Variants in SKAP1 observed in about 807,000 individuals in gnomAD.
SKAP1 encodes the protein src kinase associated phosphoprotein 1.
In SKAP1, 44 loss-of-function variants were observed where a neutral mutation model predicts 58.5. That is an observed-to-expected ratio of 0.75 (90% CI 0.59 to 0.97). The LOEUF (loss-of-function observed/expected upper bound fraction) is 0.97, where lower values mean the gene tolerates loss of function less well. Ranked by LOEUF, SKAP1 falls within the 50% of genes least tolerant of loss-of-function variation. SKAP1 has a pLI of 0.00. For missense variants in SKAP1, 390 were observed against 435.2 expected, an observed-to-expected ratio of 0.90 and a Z score of 0.92; for synonymous variants, 127 against 149.7, an observed-to-expected ratio of 0.85 and a Z score of 1.11.
intron 2 of SKAP1, among the ~76,000 whole-genome samples, chr17:48,382,032 T>G (rs1251406149): frequency 6.6e-6 from 1 of 152,314 alleles, no homozygotes; most frequent in South Asian, 2.1e-4. Flanking sequence ...CTTGAGCAAG[T>G]TGATTACCTT....
chr17:48,153,325 T>C (rs2063927386), intron 11 of SKAP1, among the ~76,000 whole-genome samples: 1 of 152,116 alleles, frequency 6.6e-6, no homozygotes, highest in Non-Finnish European at 1.5e-5. Context: ...CCCTCATTTA[T>C]AAAAATTACC....
chr17:48,225,169 A>G (rs1265147990), intron 4 of SKAP1, among the ~76,000 whole-genome samples: 2 of 152,164 alleles, frequency 1.3e-5, no homozygotes, highest in African/African-American at 4.8e-5. Context: ...CTTCTCCCTC[A>G]CTAAAACTGA....
rs202238119 is a variant in SKAP1, at chr17:48,211,279, TA to T, written c.281-21780del. 7.9e-5 allele frequency among the ~76,000 whole-genome samples: 12 copies of T among 152,122 alleles called. No homozygotes were observed. In the South Asian group the frequency reaches 1.0e-3, roughly 13 times the overall value. The stretch of plus-strand genomic sequence containing the variant: ...CAGCACAGTGAGACCCCACCTCTAT[TA>T]AAAAAAATTTTTTTTTAATAGAAGT... On this transcript the variant is annotated intron_variant, in intron 4 of 12. Coordinates refer to ENST00000336915, the MANE Select transcript of SKAP1 (RefSeq NM_003726.4).
At chr17:48,367,561 C>CATATAT (rs143641420) in intron 2 of SKAP1, among the ~76,000 whole-genome samples, 21 of 142,174 alleles carry the variant, frequency 1.5e-4, no homozygotes, top group African/African-American at 3.1e-4. Flanking sequence ...GATATATATC[C>CATATAT]ATATATATAT....
intron 4 of SKAP1, among the ~76,000 whole-genome samples, chr17:48,192,690 G>A (rs1165314850): frequency 3.9e-5 from 6 of 152,174 alleles, no homozygotes; most frequent in African/African-American, 1.2e-4. Context: ...AGGAAGTAGT[G>A]ATGAGCACTG....
upstream of SKAP1, among the ~76,000 whole-genome samples, chr17:48,434,018 G>A (rs1261145735): frequency 2.0e-5 from 3 of 152,220 alleles, no homozygotes; most frequent in Non-Finnish European, 4.4e-5. Flanking sequence ...AATGGGTCTG[G>A]AGAGGAAACT....
At chr17:48,276,348 G>T (rs1447891824) in intron 4 of SKAP1, among the ~76,000 whole-genome samples, 1 of 151,962 alleles carries the variant, frequency 6.6e-6, no homozygotes, top group Non-Finnish European at 1.5e-5. Context: ...GATTCCCCTG[G>T]GCAAAATTAA....
At chr17:48,218,571 T>C (rs2064967355) in intron 4 of SKAP1, among the ~76,000 whole-genome samples, 1 of 152,238 alleles carries the variant, frequency 6.6e-6, no homozygotes, top group Non-Finnish European at 1.5e-5. Flanking sequence ...TAAACACTGC[T>C]TGCTCTGTCT....
At chr17:48,150,204 T>G (rs1298442221) in intron 11 of SKAP1, among the ~76,000 whole-genome samples, 1 of 152,238 alleles carries the variant, frequency 6.6e-6, no homozygotes, top group African/African-American at 2.4e-5. Flanking sequence ...TCCAAATATC[T>G]TTATACAGCA....
At chr17:48,397,184 A>C (rs1236057304) in intron 1 of SKAP1, 1 of 162,802 alleles carries the variant, frequency 6.1e-6, no homozygotes, top group African/African-American at 2.4e-5. Context: ...AAACATTTAC[A>C]TATTAATTAT....
At chr17:48,282,280 C>G (rs1301413548) in intron 4 of SKAP1, among the ~76,000 whole-genome samples, 1 of 152,138 alleles carries the variant, frequency 6.6e-6, no homozygotes, top group Non-Finnish European at 1.5e-5. Context: ...AACTCATGGC[C>G]AATTCTGTTT....
At chr17:48,176,311 C>G (rs2064289302) in intron 9 of SKAP1, among the ~76,000 whole-genome samples, 1 of 152,212 alleles carries the variant, frequency 6.6e-6, no homozygotes, top group African/African-American at 2.4e-5. Flanking sequence ...GCCCCAGTTA[C>G]AGCACTTCAA....
chr17:48,433,471 A>G (rs2067928380), upstream of SKAP1, among the ~76,000 whole-genome samples: 1 of 152,088 alleles, frequency 6.6e-6, no homozygotes, highest in Non-Finnish European at 1.5e-5. Flanking sequence ...AGAATACACA[A>G]ATCTCAGGTC....
At chr17:48,143,056 A>G (rs756705490) in intron 11 of SKAP1, among the ~76,000 whole-genome samples, 1 of 150,552 alleles carries the variant, frequency 6.6e-6, no homozygotes, top group Non-Finnish European at 1.5e-5. Flanking sequence ...GGTTCAAGCA[A>G]TCCTCCTGCT....
intron 11 of SKAP1, chr17:48,156,360 G>A (rs1053528817): frequency 3.5e-5 from 9 of 259,336 alleles, no homozygotes; most frequent in Non-Finnish European, 6.6e-5. Flanking sequence ...TGCGGTGGTC[G>A]CCGGCATCGT....
chr17:48,303,474 T>A (rs1437373110), intron 4 of SKAP1, among the ~76,000 whole-genome samples: 5 of 152,230 alleles, frequency 3.3e-5, no homozygotes, highest in Admixed American at 6.5e-5. Flanking sequence ...AGCATTTTAC[T>A]CTTAAGAAGC....
rs539044424 is a variant in SKAP1 at position 48,382,065 on chromosome 17, T to C, written c.152+14615A>G. Among the ~76,000 whole-genome samples the C allele has an allele frequency of 2.0e-4, 30 of 152,290 alleles. No individual in the cohort carries two copies. In the South Asian group the frequency reaches 6.2e-3, roughly 32 times the overall value. On this transcript the variant is annotated intron_variant, in intron 2 of 12. Transcript: ENST00000336915. ...CTTTCTGAACCTCAGTTTTCTCATC[T>C]GCTATATAGGGATTATAACAGTATC...
chr17:48,363,846 A>G, intron 2 of SKAP1, 32 bp from the exon 3 acceptor site: 4 of 1,596,258 alleles, frequency 2.5e-6, no homozygotes, highest in Non-Finnish European at 3.4e-6. Context: ...AAAAGGGAAT[A>G]AGTCAAACTT....
intron 12 of SKAP1, 197 bp downstream of exon 12, chr17:48,137,032 A>G: frequency 2.0e-6 from 1 of 500,440 alleles, no homozygotes; most frequent in Non-Finnish European, 3.6e-6. Flanking sequence ...ACCTTATCCT[A>G]AGTGACACTG....
Sources: gnomAD v4.1 joint callset for allele counts (sites outside exome capture counted in the v4.1 genomes callset) on GRCh38, gnomAD v4.1.1 for gene constraint, MANE v1.5 for transcripts, NCBI Gene and HGNC (gene_info 2026-07-23, HGNC 2026-07-21) for gene names.